Variants in KCTD8 observed in about 807,000 individuals in gnomAD.
The protein encoded by KCTD8 is potassium channel tetramerization domain containing 8.
Under a neutral mutation model 31.5 loss-of-function variants are expected in KCTD8, and 27 were observed. The observed-to-expected ratio is 0.86, with a 90% CI of 0.63 to 1.18. The LOEUF (loss-of-function observed/expected upper bound fraction) is 1.18, where lower values mean the gene tolerates loss of function less well. Ranked by LOEUF, KCTD8 falls within the 50% of genes most tolerant of loss-of-function variation. The pLI is 0.00. For synonymous variants in KCTD8, 290 were observed against 280.0 expected (o/e 1.04, Z -0.36); for missense variants, 658 against 647.7 (o/e 1.02, Z -0.17).
intron 1 of KCTD8, among the ~76,000 whole-genome samples, chr4:44,290,546 G>A (rs1717240853): frequency 6.6e-6 from 1 of 152,192 alleles, no homozygotes; most frequent in South Asian, 2.1e-4. Flanking sequence ...TCCAAAGATT[G>A]AATACATGCT....
At chr4:44,429,722 T>C (rs1241403371) in intron 1 of KCTD8, among the ~76,000 whole-genome samples, 1 of 151,646 alleles carries the variant, frequency 6.6e-6, no homozygotes, top group Non-Finnish European at 1.5e-5. Flanking sequence ...GAGGGAGAGA[T>C]GTTGAATGTC....
intron 1 of KCTD8, among the ~76,000 whole-genome samples, chr4:44,377,599 G>C (rs1165535445): frequency 6.6e-6 from 1 of 152,160 alleles, no homozygotes; most frequent in African/African-American, 2.4e-5. Context: ...GGGCCAGAGT[G>C]GGTCCAGCCT....
intron 1 of KCTD8, among the ~76,000 whole-genome samples, chr4:44,304,271 T>C (rs1226458122): frequency 1.3e-5 from 2 of 152,096 alleles, no homozygotes; most frequent in Non-Finnish European, 2.9e-5. Flanking sequence ...GACAGAAGAA[T>C]TGACATGTCT....
intron 1 of KCTD8, among the ~76,000 whole-genome samples, chr4:44,244,272 T>C (rs1715588313): frequency 6.6e-6 from 1 of 152,134 alleles, no homozygotes; most frequent in South Asian, 2.1e-4. Context: ...TATTCAAGCA[T>C]AGATATTTAT....
At chr4:44,378,526 A>T (rs1719976331) in intron 1 of KCTD8, among the ~76,000 whole-genome samples, 1 of 152,044 alleles carries the variant, frequency 6.6e-6, no homozygotes, top group Admixed American at 6.6e-5. Flanking sequence ...TGTTAACTGA[A>T]TGTATCACCT....
chr4:44,290,227 A>G (rs1717229461), intron 1 of KCTD8, among the ~76,000 whole-genome samples: 1 of 152,182 alleles, frequency 6.6e-6, no homozygotes. Context: ...AAAGGGCATT[A>G]TATAATAAGA....
rs1464347144 is a variant in KCTD8 at position 44,375,512 on chromosome 4, C to A, written c.961+72051G>T. Among the ~76,000 whole-genome samples, 6 of 152,072 alleles carry A rather than the reference C, an allele frequency of 3.9e-5. No individual in the cohort carries two copies. In the South Asian group the frequency reaches 6.2e-4, roughly 16 times the overall value. On this transcript the variant is annotated intron_variant, in intron 1 of 1. Transcript: ENST00000360029. ...ATGTCTCTGTTCCTGGTTTCTCACT[C>A]GGTGAGCCAAAGACCCCTGGGCTTC...
chr4:44,390,795 A>G (rs1049380509), intron 1 of KCTD8, among the ~76,000 whole-genome samples: 2 of 151,978 alleles, frequency 1.3e-5, no homozygotes, highest in South Asian at 2.1e-4. Flanking sequence ...ATAAAATAAT[A>G]GGCATTGATG....
rs112456406 is a variant in KCTD8, at chr4:44,316,516, C to A, written c.961+131047G>T. On this transcript the variant is annotated intron_variant, in intron 1 of 1. Transcript: ENST00000360029. Reference sequence around the variant, plus strand: ...TAAACGTACTATGTTAACAAGTGTGCCGAGCCAAATGTGTTTTCTCACCAG... The same window carrying A: ...TAAACGTACTATGTTAACAAGTGTGACGAGCCAAATGTGTTTTCTCACCAG... Among the ~76,000 whole-genome samples the A allele has an allele frequency of 8.3e-3, 1,256 of 152,094 alleles. 18 individuals carry two copies. Among genetic ancestry groups the A allele is most frequent in the African/African-American group, 0.028 (1,166 of 41,500 alleles).
chr4:44,216,880 A>G (rs1400620455), intron 1 of KCTD8, among the ~76,000 whole-genome samples: 2 of 151,938 alleles, frequency 1.3e-5, no homozygotes, highest in African/African-American at 2.4e-5. Context: ...GACTCTATAC[A>G]CTTCAAAAGT....
chr4:44,238,482 A>T (rs958471662), intron 1 of KCTD8, among the ~76,000 whole-genome samples: 5 of 152,142 alleles, frequency 3.3e-5, no homozygotes, highest in African/African-American at 9.7e-5. Flanking sequence ...AGTTTAGTGG[A>T]GTCTTAATGA....
chr4:44,247,500 TAAC>T (rs1159437890), intron 1 of KCTD8, among the ~76,000 whole-genome samples: 1 of 151,864 alleles, frequency 6.6e-6, no homozygotes, highest in East Asian at 1.9e-4. Flanking sequence ...TCTACCCTGT[TAAC>T]AATTTTTTAA....
At chr4:44,335,450 C>G (rs1718713804) in intron 1 of KCTD8, among the ~76,000 whole-genome samples, 1 of 151,754 alleles carries the variant, frequency 6.6e-6, no homozygotes, top group Non-Finnish European at 1.5e-5. Flanking sequence ...ACTTCCTGAA[C>G]CTATAATAAA....
rs267600164 is a variant in KCTD8, at chr4:44,175,026, C to T, written c.1186G>A (p.Ala396Thr). Residue 396 changes from alanine to threonine, a missense_variant, in exon 2 of 2, where the codon GCA (alanine) becomes ACA (threonine). Coordinates refer to ENST00000360029, the MANE Select transcript of KCTD8 (RefSeq NM_198353.3). Reference protein sequence around the residue: ...TLTLDRPSKKAPVQWIPPPDK... With the variant: ...TLTLDRPSKKTPVQWIPPPDK... ...GGTGGGGGTATCCATTGTACAGGTG[C>T]TTTTTTAGAGGGGCGATCCAATGTT... 1 of 1,613,906 alleles carries T rather than the reference C, an allele frequency of 6.2e-7. No individual in the cohort carries two copies. Among genetic ancestry groups the T allele is most frequent in the Non-Finnish European group, 8.5e-7 (1 of 1,179,966 alleles).
intron 1 of KCTD8, among the ~76,000 whole-genome samples, chr4:44,368,135 G>GA (rs1364796943): frequency 2.6e-5 from 4 of 152,096 alleles, no homozygotes; most frequent in African/African-American, 9.7e-5. Context: ...TCAGCACTTT[G>GA]GGAGGCTGAG....
At chr4:44,325,662 A>C (rs900746288) in intron 1 of KCTD8, among the ~76,000 whole-genome samples, 3 of 151,910 alleles carry the variant, frequency 2.0e-5, no homozygotes, top group South Asian at 4.1e-4. Context: ...AAAAGTGATA[A>C]AATAAAATAA....
intron 1 of KCTD8, among the ~76,000 whole-genome samples, chr4:44,407,149 T>G (rs1305637651): frequency 6.6e-6 from 1 of 152,156 alleles, no homozygotes; most frequent in Non-Finnish European, 1.5e-5. Flanking sequence ...AATATTATCA[T>G]GATTCTTCCA....
At chr4:44,238,200 C>T (rs544094387) in intron 1 of KCTD8, among the ~76,000 whole-genome samples, 1 of 152,016 alleles carries the variant, frequency 6.6e-6, no homozygotes, top group Non-Finnish European at 1.5e-5. Context: ...TTCTCCCCGC[C>T]CTACACTAGT....
intron 1 of KCTD8, among the ~76,000 whole-genome samples, chr4:44,219,066 G>A (rs528949483): frequency 2.6e-5 from 4 of 152,080 alleles, no homozygotes; most frequent in African/African-American, 4.8e-5. Flanking sequence ...CACTCACCTC[G>A]AAAAGTATTC....
Sources: allele counts gnomAD v4.1 joint callset (sites outside exome capture counted in the v4.1 genomes callset), GRCh38; gene constraint gnomAD v4.1.1; transcripts MANE v1.5; gene names NCBI Gene and HGNC (gene_info 2026-07-23, HGNC 2026-07-21).